The following MAML2 variants were observed in gnomAD, a reference collection of about 807,000 sequenced individuals.
MAML2 encodes the protein mastermind-like protein 2.
A neutral mutation model predicts 96.1 loss-of-function variants in MAML2; 22 were observed. That is an observed-to-expected ratio of 0.23 (90% CI 0.16 to 0.33). The LOEUF (loss-of-function observed/expected upper bound fraction) is 0.33, where lower values mean the gene tolerates loss of function less well. Ranked by LOEUF, MAML2 falls within the 10% of genes least tolerant of loss-of-function variation. The probability of loss-of-function intolerance (pLI) is 1.00; values close to 1 mark genes in which losing one functional copy is unlikely to be tolerated. For synonymous variants in MAML2, 561 were observed against 521.3 expected (o/e 1.08, Z -1.04); for missense variants, 1,367 against 1,392.4 (o/e 0.98, Z 0.29).
At chr11:96,057,989 C>T (rs1313563341) in intron 2 of MAML2, among the ~76,000 whole-genome samples, 2 of 152,156 alleles carry the variant, frequency 1.3e-5, no homozygotes, top group African/African-American at 4.8e-5. Flanking sequence ...TTCATGAACT[C>T]TTCTAATTTG....
intron 1 of MAML2, among the ~76,000 whole-genome samples, chr11:96,094,734 A>C (rs1447176929): frequency 3.3e-5 from 5 of 152,236 alleles, no homozygotes; most frequent in African/African-American, 1.2e-4. Flanking sequence ...CATATCTACC[A>C]AAGTGTGGCT....
chr11:96,164,117 C>T (rs979437460), intron 1 of MAML2, among the ~76,000 whole-genome samples: 1 of 151,960 alleles, frequency 6.6e-6, no homozygotes, highest in African/African-American at 2.4e-5. Flanking sequence ...CTCAAGTTAT[C>T]CACCTGCCTC....
At chr11:96,024,376 C>T (rs574688800) in intron 2 of MAML2, among the ~76,000 whole-genome samples, 4 of 152,310 alleles carry the variant, frequency 2.6e-5, no homozygotes, top group South Asian at 4.1e-4. Flanking sequence ...TGTCAAATCA[C>T]GGGGATACAA....
At chr11:96,117,142 CA>C (rs1860257723) in intron 1 of MAML2, among the ~76,000 whole-genome samples, 1 of 151,988 alleles carries the variant, frequency 6.6e-6, no homozygotes, top group Admixed American at 6.6e-5. Flanking sequence ...GAATCTACAG[CA>C]AATGTGGGCA....
chr11:96,125,809 C>G (rs917478558), intron 1 of MAML2, among the ~76,000 whole-genome samples: 3 of 152,058 alleles, frequency 2.0e-5, no homozygotes, highest in Non-Finnish European at 4.4e-5. Context: ...AGCATTAGAC[C>G]CAGCAATAAT....
At chr11:96,023,073 GAA>G (rs1310483051) in intron 2 of MAML2, among the ~76,000 whole-genome samples, 7 of 152,194 alleles carry the variant, frequency 4.6e-5, no homozygotes, top group Admixed American at 1.3e-4. Context: ...ATTCAGTGAG[GAA>G]AAGAGTTCAG....
chr11:96,333,635 T>A (rs2136019118), intron 1 of MAML2, among the ~76,000 whole-genome samples: 1 of 152,340 alleles, frequency 6.6e-6, no homozygotes, highest in African/African-American at 2.4e-5. Context: ...CATGGAAATT[T>A]CAACATGCTC....
In MAML2 at chr11:96,129,644, G is replaced by C. The variant is rs185986986; in HGVS notation, c.514-36127C>G. Reference sequence around the variant, plus strand: ...TGTTTTTATTTAAATTTTTATTTTAGATTCAGGTGGTACATGTGCAGATTT... The same window carrying C: ...TGTTTTTATTTAAATTTTTATTTTACATTCAGGTGGTACATGTGCAGATTT... On this transcript the variant is annotated intron_variant, in intron 1 of 4. Transcript: ENST00000524717. Among the ~76,000 whole-genome samples the C allele has an allele frequency of 2.6e-3, 401 of 152,220 alleles. 5 individuals carry two copies. Among genetic ancestry groups the C allele is most frequent in the African/African-American group, 9.1e-3 (379 of 41,528 alleles).
chr11:96,274,849 C>T (rs569134805), intron 1 of MAML2, among the ~76,000 whole-genome samples: 1 of 152,136 alleles, frequency 6.6e-6, no homozygotes, highest in East Asian at 1.9e-4. Context: ...TCACCTGAAT[C>T]TAATACCCTA....
intron 1 of MAML2, among the ~76,000 whole-genome samples, chr11:96,289,925 T>C (rs1310934949): frequency 1.3e-5 from 2 of 152,150 alleles, no homozygotes; most frequent in East Asian, 3.8e-4. Flanking sequence ...TGGGAATAAA[T>C]ATCAACTAAA....
intron 1 of MAML2, among the ~76,000 whole-genome samples, chr11:96,151,237 A>T (rs1020787023): frequency 2.0e-5 from 3 of 151,264 alleles, no homozygotes; most frequent in Non-Finnish European, 2.9e-5. Context: ...ACACTCTTTC[A>T]CCTCTCTTTA....
At chr11:96,295,571 C>T (rs771223326) in intron 1 of MAML2, among the ~76,000 whole-genome samples, 1 of 151,942 alleles carries the variant, frequency 6.6e-6, no homozygotes, top group Admixed American at 6.6e-5. Context: ...TATTACTTAC[C>T]CTGGAGGCAC....
At chr11:96,317,238 C>A (rs1863644717) in intron 1 of MAML2, among the ~76,000 whole-genome samples, 1 of 152,160 alleles carries the variant, frequency 6.6e-6, no homozygotes, top group South Asian at 2.1e-4. Flanking sequence ...CCTCTCAAGG[C>A]ACCCAGAAGC....
intron 1 of MAML2, among the ~76,000 whole-genome samples, chr11:96,276,691 A>C (rs905771456): frequency 3.3e-5 from 5 of 152,120 alleles, no homozygotes; most frequent in African/African-American, 1.2e-4. Context: ...TGCCTTTAAA[A>C]CACCAATCAG....
At chr11:96,029,530 A>C (rs763465455) in intron 2 of MAML2, among the ~76,000 whole-genome samples, 16 of 152,174 alleles carry the variant, frequency 1.1e-4, no homozygotes, top group Non-Finnish European at 1.9e-4. Flanking sequence ...TCCTGTGAAC[A>C]AAATTTTTAG....
chr11:96,129,514 G>A (rs1860509401), intron 1 of MAML2, among the ~76,000 whole-genome samples: 1 of 151,472 alleles, frequency 6.6e-6, no homozygotes, highest in African/African-American at 2.4e-5. Flanking sequence ...GAGCACTTTT[G>A]AAAATACCAA....
intron 1 of MAML2, among the ~76,000 whole-genome samples, chr11:96,182,723 A>G (rs957475858): frequency 6.6e-6 from 1 of 152,180 alleles, no homozygotes. Flanking sequence ...ACAGCTAGTA[A>G]GAGGGCATAC....
intron 1 of MAML2, among the ~76,000 whole-genome samples, chr11:96,330,179 A>G (rs1863834329): frequency 6.6e-6 from 1 of 152,222 alleles, no homozygotes; most frequent in African/African-American, 2.4e-5. Context: ...AGGAACAGTG[A>G]TCTGAGGAAG....
chr11:96,170,553 C>G lies in MAML2; in HGVS notation c.514-77036G>C, dbSNP rs180973753. The stretch of plus-strand genomic sequence containing the variant: ...TTGAACACTACATTTTGACAGGAAG[C>G]TAAGCAAGAAGAGTGTAGATTCTAT... On this transcript the variant is annotated intron_variant, in intron 1 of 4. Coordinates refer to ENST00000524717, the MANE Select transcript of MAML2 (RefSeq NM_032427.4). Among the ~76,000 whole-genome samples the G allele has an allele frequency of 6.6e-5, 10 of 152,266 alleles. No individual in the cohort carries two copies. In the East Asian group the frequency reaches 1.9e-3, roughly 29 times the overall value.
Sources: gnomAD v4.1 joint callset for allele counts (sites outside exome capture counted in the v4.1 genomes callset) on GRCh38, gnomAD v4.1.1 for gene constraint, MANE v1.5 for transcripts, NCBI Gene and HGNC (gene_info 2026-07-23, HGNC 2026-07-21) for gene names.